IL1RAPL1: variants seen among roughly 807,000 people sequenced by gnomAD.
IL1RAPL1 encodes interleukin-1 receptor accessory protein-like 1.
IL1RAPL1 carries 3 observed loss-of-function variants against 48.4 expected under a neutral mutation model. The ratio of observed to expected loss-of-function variants is 0.06; its 90% CI spans 0.03 to 0.16. The LOEUF is 0.16. Among genes scored for constraint, IL1RAPL1 ranks in the 10% least tolerant of loss-of-function variants. The pLI is 1.00. For synonymous variants in IL1RAPL1, 185 were observed against 187.7 expected, an observed-to-expected ratio of 0.99 and a Z score of 0.12; for missense variants, 349 against 530.6, an observed-to-expected ratio of 0.66 and a Z score of 3.36.
chrX:29,654,815 C>T (rs1925624838), intron 5 of IL1RAPL1, among the ~76,000 whole-genome samples: 1 of 111,795 alleles, frequency 8.9e-6, no homozygotes, highest in African/African-American at 3.3e-5. Context: ...CTTTATGTTC[C>T]TATATTTTAT....
chrX:29,197,944 GGTGATC>G (rs1248797970), intron 2 of IL1RAPL1, among the ~76,000 whole-genome samples: 4 of 110,288 alleles, frequency 3.6e-5, no homozygotes, highest in African/African-American at 1.3e-4. Flanking sequence ...CCTGACCTCA[GGTGATC>G]CACCGGTCTC....
intron 5 of IL1RAPL1, among the ~76,000 whole-genome samples, chrX:29,427,020 G>T (rs975996481): frequency 4.6e-5 from 5 of 109,066 alleles, no homozygotes; most frequent in Non-Finnish European, 9.5e-5. Flanking sequence ...AAAAAGATTT[G>T]CATATTATTT....
At chrX:29,910,248 G>A (rs1367549373) in intron 6 of IL1RAPL1, among the ~76,000 whole-genome samples, 1 of 110,426 alleles carries the variant, frequency 9.1e-6, no homozygotes, top group Non-Finnish European at 1.9e-5. Context: ...GGTGAGAGGA[G>A]GCTGAGAACG....
At chrX:29,066,889 G>C (rs1364250559) in intron 2 of IL1RAPL1, among the ~76,000 whole-genome samples, 1 of 111,433 alleles carries the variant, frequency 9.0e-6, no homozygotes, top group Admixed American at 9.5e-5. Context: ...TCTTTGTCTG[G>C]GAGCTGGGGA....
At chrX:28,961,927 A>G (rs56960976) in intron 2 of IL1RAPL1, among the ~76,000 whole-genome samples, 4,843 of 111,648 alleles carry the variant, frequency 0.043, 116 homozygotes, top group East Asian at 0.071. Flanking sequence ...ATCTGTATAG[A>G]CATTTGATTC....
intron 2 of IL1RAPL1, among the ~76,000 whole-genome samples, chrX:29,241,831 T>G (rs1569267750): frequency 8.9e-6 from 1 of 111,995 alleles, no homozygotes; most frequent in East Asian, 2.8e-4. Flanking sequence ...TAGTTCTCTA[T>G]ATAACATTTT....
At chrX:29,232,468 C>A in intron 2 of IL1RAPL1, among the ~76,000 whole-genome samples, 1 of 112,179 alleles carries the variant, frequency 8.9e-6, no homozygotes, top group Non-Finnish European at 1.9e-5. Flanking sequence ...AGTCTAGATA[C>A]ATTACTATTT....
chrX:28,905,356 T>G (rs1923190485), intron 2 of IL1RAPL1, among the ~76,000 whole-genome samples: 1 of 112,005 alleles, frequency 8.9e-6, no homozygotes, highest in Admixed American at 9.6e-5. Flanking sequence ...TTTGTGAATG[T>G]ATTATTTATA....
intron 8 of IL1RAPL1, among the ~76,000 whole-genome samples, chrX:29,921,649 A>T (rs1222210538): frequency 2.7e-5 from 3 of 112,394 alleles, no homozygotes; most frequent in African/African-American, 9.7e-5. Context: ...TGTGTAATTG[A>T]ACTTCTTATC....
At chrX:29,360,566 T>C (rs5927700) in intron 3 of IL1RAPL1, among the ~76,000 whole-genome samples, 47,579 of 110,991 alleles carry the variant, frequency 0.43, 8,921 homozygotes, top group Middle Eastern at 0.66. Context: ...ATATTTTAGC[T>C]TCCTTTTTTT....
chrX:28,974,996 C>A, intron 2 of IL1RAPL1, among the ~76,000 whole-genome samples: 1 of 112,133 alleles, frequency 8.9e-6, no homozygotes, highest in African/African-American at 3.2e-5. Context: ...TTCATATTGA[C>A]TCAAAGTGTG....
Position 29,124,640 on chromosome X carries a change from G to C in IL1RAPL1, c.83-158298G>C, listed in dbSNP as rs189046457. ...AACGAATTGGCATTTGAAATTGTTA[G>C]TCTTATAAAATGAATCATTGAGACT... On this transcript the variant is annotated intron_variant, in intron 2 of 10. Coordinates refer to ENST00000378993, the MANE Select transcript of IL1RAPL1 (RefSeq NM_014271.4). Among the ~76,000 whole-genome samples the C allele has an allele frequency of 2.5e-3, 284 of 112,057 alleles. 2 individuals are homozygous for C. The highest frequency in any genetic ancestry group is 8.2e-3 in the African/African-American group (252 of 30,906).
chrX:29,289,683 T>C (rs1017294628), intron 3 of IL1RAPL1, among the ~76,000 whole-genome samples: 2 of 112,400 alleles, frequency 1.8e-5, no homozygotes, highest in Non-Finnish European at 3.8e-5. Flanking sequence ...CTTTACCATA[T>C]TGAGTCTCAC....
chrX:28,737,553 C>T (rs900822692), intron 1 of IL1RAPL1, among the ~76,000 whole-genome samples: 1 of 111,099 alleles, frequency 9.0e-6, no homozygotes, highest in Non-Finnish European at 1.9e-5. Context: ...CCACTGTGCT[C>T]AGCCAGCCCT....
intron 2 of IL1RAPL1, among the ~76,000 whole-genome samples, chrX:28,831,955 A>G (rs1239842454): frequency 9.0e-6 from 1 of 111,239 alleles, no homozygotes; most frequent in Non-Finnish European, 1.9e-5. Flanking sequence ...TGAAGTACTT[A>G]TTCTTTTTTA....
chrX:28,693,286 A>T (rs1935198274), intron 1 of IL1RAPL1, among the ~76,000 whole-genome samples: 1 of 112,304 alleles, frequency 8.9e-6, no homozygotes, highest in Non-Finnish European at 1.9e-5. Context: ...CATATCCAGC[A>T]CATGCCTGAT....
intron 2 of IL1RAPL1, among the ~76,000 whole-genome samples, chrX:28,905,116 A>G (rs2147328647): frequency 9.0e-6 from 1 of 111,522 alleles, no homozygotes; most frequent in East Asian, 2.8e-4. Context: ...CACATTTATT[A>G]TTAAAATGCA....
chrX:29,944,587 T>A (rs1933184766), intron 9 of IL1RAPL1, among the ~76,000 whole-genome samples: 1 of 112,331 alleles, frequency 8.9e-6, no homozygotes, highest in Non-Finnish European at 1.9e-5. Context: ...TCTCCAAGAT[T>A]ACTCCGTCAC....
intron 2 of IL1RAPL1, among the ~76,000 whole-genome samples, chrX:29,216,743 C>T (rs971833357): frequency 2.7e-5 from 3 of 111,781 alleles, no homozygotes; most frequent in African/African-American, 9.7e-5. Context: ...AAATGTTGGC[C>T]TGTCACAACT....
Sources: gnomAD v4.1 joint callset for allele counts (sites outside exome capture counted in the v4.1 genomes callset) on GRCh38, gnomAD v4.1.1 for gene constraint, MANE v1.5 for transcripts, NCBI Gene and HGNC (gene_info 2026-07-23, HGNC 2026-07-21) for gene names.